The following ZFHX3 variants were observed in gnomAD, a reference collection of about 807,000 sequenced individuals.
The protein encoded by ZFHX3 is zinc finger homeobox protein 3.
A neutral mutation model predicts 279.1 loss-of-function variants in ZFHX3; 42 were observed. That is an observed-to-expected ratio of 0.15 (90% CI 0.12 to 0.19). The LOEUF (loss-of-function observed/expected upper bound fraction) is 0.19, where lower values mean the gene tolerates loss of function less well. Among genes scored for constraint, ZFHX3 ranks in the 10% least tolerant of loss-of-function variants. The pLI is 1.00. For synonymous variants in ZFHX3, 2,293 were observed against 1,957.8 expected, an observed-to-expected ratio of 1.17 and a Z score of -4.52; for missense variants, 4,981 against 4,754.0, an observed-to-expected ratio of 1.05 and a Z score of -1.40.
Position 72,889,954 on chromosome 16 carries a change from C to A in ZFHX3, c.3225G>T (p.Gln1075His), listed in dbSNP as rs745635132. The A allele has an allele frequency of 1.2e-6, 2 of 1,612,812 alleles. No homozygotes were observed. Among genetic ancestry groups the A allele is most frequent in the Non-Finnish European group, 8.5e-7 (1 of 1,179,724 alleles). Residue 1075 changes from glutamine to histidine, a missense_variant, in exon 4 of 10, where the codon CAG (glutamine) becomes CAT (histidine). Physicochemically the swap from Gln to His is conservative, Grantham distance 24 (BLOSUM62 0). Coordinates refer to ENST00000268489, the MANE Select transcript of ZFHX3 (RefSeq NM_006885.4). Reference sequence around the variant, plus strand: ...CACCTTCTACACCACTCTCATGCTGCTGCAGGTGCTGCAAGTAACAAAAGA... The same window carrying A: ...CACCTTCTACACCACTCTCATGCTGATGCAGGTGCTGCAAGTAACAAAAGA... ...EASLKLYKHLQQHESGVEGES... is the reference protein window; with the variant it reads ...EASLKLYKHLHQHESGVEGES...
At chr16:72,967,143 G>T (rs569387837) in intron 1 of ZFHX3, among the ~76,000 whole-genome samples, 1 of 152,304 alleles carries the variant, frequency 6.6e-6, no homozygotes, top group South Asian at 2.1e-4. Flanking sequence ...GGAAAAAAGA[G>T]GATCCCTGAA....
At position 73,738,967 on chromosome 16, in the gene ZFHX3, A is replaced by G. The variant is rs1269709364; in HGVS notation, c.-1607-58727T>C. On this transcript the variant is annotated intron_variant, in intron 1 of 17. Coordinates refer to the ZFHX3 transcript ENST00000641206. Reference sequence around the variant, plus strand: ...ATAACCTCTTCTCCTCTGTGAGTCCAACTCCCACCAGACCAGACTGTGGTG... The same window carrying G: ...ATAACCTCTTCTCCTCTGTGAGTCCGACTCCCACCAGACCAGACTGTGGTG... 4.0e-5 allele frequency among the ~76,000 whole-genome samples: 6 copies of G among 151,234 alleles called. 1 individual carries two copies. Among genetic ancestry groups the G allele is most frequent in the African/African-American group, 1.5e-4 (6 of 40,596 alleles).
intron 7 of ZFHX3, among the ~76,000 whole-genome samples, chr16:72,804,212 T>C (rs1161661221): frequency 2.0e-5 from 3 of 152,182 alleles, no homozygotes; most frequent in South Asian, 2.1e-4. Flanking sequence ...AATAACACAG[T>C]TGAAAAGGAG....
chr16:73,867,833 A>T (rs1962067519), intron 1 of ZFHX3, among the ~76,000 whole-genome samples: 1 of 152,114 alleles, frequency 6.6e-6, no homozygotes, highest in South Asian at 2.1e-4. Flanking sequence ...GCGTTCTGAT[A>T]CTTCCCAGAG....
At chr16:73,634,049 T>C (rs768814163) in intron 2 of ZFHX3, among the ~76,000 whole-genome samples, 5 of 152,190 alleles carry the variant, frequency 3.3e-5, no homozygotes, top group Non-Finnish European at 7.3e-5. Flanking sequence ...ACTGAAATAA[T>C]ATTCTTGACA....
At chr16:73,635,122 A>T (rs1338036319) in intron 2 of ZFHX3, among the ~76,000 whole-genome samples, 1 of 152,182 alleles carries the variant, frequency 6.6e-6, no homozygotes, top group Non-Finnish European at 1.5e-5. Context: ...GAGAAAACTC[A>T]AATTTGCAAA....
At chr16:73,361,299 A>T (rs8056082) in intron 3 of ZFHX3, among the ~76,000 whole-genome samples, 13,007 of 152,298 alleles carry the variant, frequency 0.085, 1,846 homozygotes, top group African/African-American at 0.29. Flanking sequence ...TCAAAGCAAG[A>T]AGAGGCTTGA....
At chr16:73,540,854 G>A (rs1249327855) in intron 2 of ZFHX3, among the ~76,000 whole-genome samples, 1 of 152,194 alleles carries the variant, frequency 6.6e-6, no homozygotes, top group Non-Finnish European at 1.5e-5. Context: ...ACATCAGTGA[G>A]GGCTGGGCTG....
intron 5 of ZFHX3, among the ~76,000 whole-genome samples, chr16:73,153,458 T>A (rs1167424353): frequency 2.0e-5 from 3 of 152,034 alleles, no homozygotes; most frequent in Non-Finnish European, 2.9e-5. Flanking sequence ...TTGATATTTT[T>A]CTGCACTGGA....
intron 3 of ZFHX3, among the ~76,000 whole-genome samples, chr16:73,371,462 G>A (rs2016628904): frequency 6.6e-6 from 1 of 150,870 alleles, no homozygotes; most frequent in South Asian, 2.2e-4. Flanking sequence ...TCGGCTCGCT[G>A]CAACCTCCAC....
At chr16:73,397,504 T>C (rs2017154448) in intron 3 of ZFHX3, among the ~76,000 whole-genome samples, 1 of 150,688 alleles carries the variant, frequency 6.6e-6, no homozygotes, top group Non-Finnish European at 1.5e-5. Context: ...AGGAAAGAGA[T>C]AGTATTTGAT....
chr16:72,842,780 C>G (rs1316407614), intron 4 of ZFHX3, among the ~76,000 whole-genome samples: 1 of 152,016 alleles, frequency 6.6e-6, no homozygotes, highest in Non-Finnish European at 1.5e-5. Context: ...TATGAGTTGA[C>G]TCAACTACTA....
chr16:72,874,186 G>T (rs1182211031), intron 4 of ZFHX3, among the ~76,000 whole-genome samples: 1 of 140,834 alleles, frequency 7.1e-6, no homozygotes, highest in East Asian at 2.1e-4. Context: ...AGCTCAGATG[G>T]AGGATTTTTT....
intron 1 of ZFHX3, among the ~76,000 whole-genome samples, chr16:73,774,720 C>A (rs13333522): frequency 1.4e-4 from 21 of 151,956 alleles, no homozygotes; most frequent in Admixed American, 1.2e-3. Flanking sequence ...TGAGTACAAC[C>A]TCGGTTTATC....
chr16:73,242,416 A>G (rs2013150720), intron 5 of ZFHX3, among the ~76,000 whole-genome samples: 1 of 152,194 alleles, frequency 6.6e-6, no homozygotes, highest in Non-Finnish European at 1.5e-5. Context: ...TCTTTGGCAG[A>G]AAGACTTGGT....
chr16:73,036,136 ACTCT>A (rs369817506), intron 1 of ZFHX3, among the ~76,000 whole-genome samples: 16 of 150,936 alleles, frequency 1.1e-4, no homozygotes, highest in Admixed American at 3.9e-4. Context: ...GCATAGACAG[ACTCT>A]CTCTCTCTCT....
chr16:73,750,972 G>T (rs1446691412), intron 1 of ZFHX3, among the ~76,000 whole-genome samples: 1 of 152,180 alleles, frequency 6.6e-6, no homozygotes, highest in Non-Finnish European at 1.5e-5. Context: ...GGGGCCTAGA[G>T]GTCTACTGGC....
At chr16:73,381,736 T>A (rs6564135) in intron 3 of ZFHX3, among the ~76,000 whole-genome samples, 1 of 152,098 alleles carries the variant, frequency 6.6e-6, no homozygotes, top group African/African-American at 2.4e-5. Flanking sequence ...ACAAAACATA[T>A]ACTAACAATA....
intron 3 of ZFHX3, among the ~76,000 whole-genome samples, chr16:73,436,744 C>T (rs535848714): frequency 1.3e-5 from 2 of 151,870 alleles, no homozygotes; most frequent in South Asian, 4.2e-4. Flanking sequence ...TGCAAGGAAG[C>T]CAGGTGACAT....
Sources: allele counts gnomAD v4.1 joint callset (sites outside exome capture counted in the v4.1 genomes callset), GRCh38; gene constraint gnomAD v4.1.1; transcripts MANE v1.5; gene names NCBI Gene and HGNC (gene_info 2026-07-23, HGNC 2026-07-21).